PRELID2: variants seen among roughly 807,000 people sequenced by gnomAD.
PRELID2 encodes PRELI domain containing 2.
A neutral mutation model predicts 28.4 loss-of-function variants in PRELID2; 25 were observed. The ratio of observed to expected loss-of-function variants is 0.88; its 90% CI spans 0.64 to 1.23. The LOEUF (loss-of-function observed/expected upper bound fraction) is 1.23. Among genes scored for constraint, PRELID2 ranks in the 50% most tolerant of loss-of-function variants. The pLI is 0.00. For synonymous variants in PRELID2, 76 were observed against 71.6 expected, an observed-to-expected ratio of 1.06 and a Z score of -0.31; for missense variants, 201 against 214.4, an observed-to-expected ratio of 0.94 and a Z score of 0.39.
chr5:145,577,922 A>C (rs771240786), intron 1 of PRELID2, among the ~76,000 whole-genome samples: 4 of 152,176 alleles, frequency 2.6e-5, no homozygotes, highest in Non-Finnish European at 5.9e-5. Flanking sequence ...CAAATGCATA[A>C]ATGAATAAGT....
intron 1 of PRELID2, among the ~76,000 whole-genome samples, chr5:145,690,963 T>TA (rs79732473): frequency 0.014 from 2,045 of 141,990 alleles, 13 homozygotes; most frequent in African/African-American, 0.022. Context: ...ATTGTCTCCC[T>TA]AAAAAAAAAA....
intron 1 of PRELID2, among the ~76,000 whole-genome samples, chr5:145,651,202 G>A (rs1754290799): frequency 6.6e-6 from 1 of 152,214 alleles, no homozygotes; most frequent in Non-Finnish European, 1.5e-5. Context: ...CGGCAGTGAG[G>A]CTAGGGGAGA....
chr5:145,766,235 G>C (rs1757751431), intron 5 of PRELID2, among the ~76,000 whole-genome samples: 1 of 152,138 alleles, frequency 6.6e-6, no homozygotes, highest in Non-Finnish European at 1.5e-5. Flanking sequence ...AATTCTTGCA[G>C]AGAAGAATAA....
chr5:145,745,741 T>C (rs1364258946), intron 1 of PRELID2, among the ~76,000 whole-genome samples: 1 of 151,984 alleles, frequency 6.6e-6, no homozygotes, highest in Non-Finnish European at 1.5e-5. Context: ...TGGGCACCTA[T>C]AATCCCAGCT....
chr5:145,466,686 G>C, the PRELID2 span, among the ~76,000 whole-genome samples: 389 of 152,212 alleles, frequency 2.6e-3, 2 homozygotes, highest in African/African-American at 8.7e-3. Context: ...GACAAGCTGG[G>C]ACAAACATTT....
intron 1 of PRELID2, among the ~76,000 whole-genome samples, chr5:145,735,078 C>T (rs765862225): frequency 1.7e-4 from 14 of 82,000 alleles, no homozygotes; most frequent in Non-Finnish European, 3.3e-4. Flanking sequence ...AACCCCATCT[C>T]TACTAAAAAT....
the PRELID2 span, among the ~76,000 whole-genome samples, chr5:145,372,457 C>A: frequency 3.9e-5 from 6 of 151,928 alleles, no homozygotes; most frequent in Non-Finnish European, 7.4e-5. Flanking sequence ...GTTAAAATCT[C>A]CCATTATTTT....
the PRELID2 span, among the ~76,000 whole-genome samples, chr5:145,331,461 G>A: frequency 6.6e-6 from 1 of 152,044 alleles, no homozygotes; most frequent in Non-Finnish European, 1.5e-5. Flanking sequence ...CTCCTGTATT[G>A]GGTGCATATA....
At chr5:145,669,511 C>T (rs181594359) in intron 1 of PRELID2, among the ~76,000 whole-genome samples, 2 of 152,262 alleles carry the variant, frequency 1.3e-5, no homozygotes, top group African/African-American at 4.8e-5. Flanking sequence ...CTGTGTTAGC[C>T]TTCAAACTGA....
intron 1 of PRELID2, among the ~76,000 whole-genome samples, chr5:145,518,393 T>C (rs576664237): frequency 7.9e-5 from 12 of 151,800 alleles, no homozygotes; most frequent in Non-Finnish European, 1.6e-4. Flanking sequence ...AGAGATGGGG[T>C]TTTACCATAT....
At chr5:145,557,092 C>T (rs1344682119) in intron 1 of PRELID2, among the ~76,000 whole-genome samples, 2 of 152,160 alleles carry the variant, frequency 1.3e-5, no homozygotes, top group African/African-American at 4.8e-5. Flanking sequence ...GTTTTGTTCA[C>T]CAGTATGTCC....
the PRELID2 span, among the ~76,000 whole-genome samples, chr5:145,395,336 C>T: frequency 6.6e-6 from 1 of 152,092 alleles, no homozygotes; most frequent in South Asian, 2.1e-4. Flanking sequence ...AGGAGTTTGA[C>T]ACTAAAAAGA....
chr5:145,338,674 A>G, the PRELID2 span, among the ~76,000 whole-genome samples: 6 of 152,158 alleles, frequency 3.9e-5, no homozygotes, highest in African/African-American at 1.4e-4. Flanking sequence ...CCACTTTTTG[A>G]GTCTTTACTC....
the PRELID2 span, among the ~76,000 whole-genome samples, chr5:145,283,411 C>T: frequency 2.0e-5 from 3 of 152,156 alleles, no homozygotes; most frequent in African/African-American, 7.2e-5. Flanking sequence ...TTTTCAGCTG[C>T]AGTTAGCTTA....
At chr5:145,412,679 G>A in the PRELID2 span, among the ~76,000 whole-genome samples, 1 of 152,096 alleles carries the variant, frequency 6.6e-6, no homozygotes, top group Non-Finnish European at 1.5e-5. Context: ...ACACATTTCA[G>A]GTGTCTTTAT....
At chr5:145,352,974 T>A in the PRELID2 span, among the ~76,000 whole-genome samples, 1 of 152,190 alleles carries the variant, frequency 6.6e-6, no homozygotes, top group Admixed American at 6.5e-5. Context: ...TCAAAGTTAT[T>A]CAACAAGATT....
the PRELID2 span, among the ~76,000 whole-genome samples, chr5:145,414,324 G>A: frequency 1.3e-5 from 2 of 152,230 alleles, no homozygotes; most frequent in Middle Eastern, 3.4e-3. Flanking sequence ...CATTTGATTG[G>A]CTGCTCTTGT....
At chr5:145,734,553 A>G (rs1442082250) in intron 1 of PRELID2, among the ~76,000 whole-genome samples, 1 of 152,208 alleles carries the variant, frequency 6.6e-6, no homozygotes, top group Admixed American at 6.5e-5. Flanking sequence ...AGTGAGGTGT[A>G]CTAGCAGTGA....
chr5:145,723,558 C>T (rs1344071380), intron 1 of PRELID2, among the ~76,000 whole-genome samples: 1 of 152,162 alleles, frequency 6.6e-6, no homozygotes, highest in African/African-American at 2.4e-5. Context: ...GCCAAAAATT[C>T]ATTAAAAAGG....
Sources: allele counts gnomAD v4.1 joint callset (sites outside exome capture counted in the v4.1 genomes callset), GRCh38; gene constraint gnomAD v4.1.1; transcripts MANE v1.5; gene names NCBI Gene and HGNC (gene_info 2026-07-23, HGNC 2026-07-21).